CSMD1: variants seen among roughly 807,000 people sequenced by gnomAD.
The protein encoded by CSMD1 is CUB and sushi domain-containing protein 1.
Under a neutral mutation model 417.5 loss-of-function variants are expected in CSMD1, and 213 were observed. The ratio of observed to expected loss-of-function variants is 0.51; its 90% confidence interval spans 0.46 to 0.57. The LOEUF is 0.57. Among genes scored for constraint, CSMD1 ranks in the 20% least tolerant of loss-of-function variants. CSMD1 has a pLI of 0.00. For missense variants in CSMD1, 6,923 were observed against 4,529.7 expected, an observed-to-expected ratio of 1.53 and a Z score of -15.17; for synonymous variants, 2,862 against 1,736.8, an observed-to-expected ratio of 1.65 and a Z score of -16.11.
chr8:4,725,907 A>AG (rs898990236), intron 1 of CSMD1, among the ~76,000 whole-genome samples: 15 of 152,110 alleles, frequency 9.9e-5, no homozygotes, highest in South Asian at 4.2e-4. Context: ...TTCACATTCC[A>AG]GGGGGGGTTA....
intron 2 of CSMD1, among the ~76,000 whole-genome samples, chr8:4,558,448 A>G (rs1224082328): frequency 6.6e-6 from 1 of 152,172 alleles, no homozygotes; most frequent in Non-Finnish European, 1.5e-5. Flanking sequence ...AATCAGCTTA[A>G]GTGAGGGTTG....
chr8:4,211,352 A>T (rs1407596363), intron 3 of CSMD1, among the ~76,000 whole-genome samples: 1 of 151,906 alleles, frequency 6.6e-6, no homozygotes, highest in Non-Finnish European at 1.5e-5. Flanking sequence ...CATTTCTTTT[A>T]TTCCCTGTTT....
At chr8:3,802,085 G>A (rs1004988067) in intron 5 of CSMD1, among the ~76,000 whole-genome samples, 3 of 152,080 alleles carry the variant, frequency 2.0e-5, no homozygotes, top group Admixed American at 1.3e-4. Context: ...TTAAGGATAT[G>A]TAAATTTTAT....
At chr8:4,158,829 A>G (rs1450074402) in intron 3 of CSMD1, among the ~76,000 whole-genome samples, 1 of 152,214 alleles carries the variant, frequency 6.6e-6, no homozygotes, top group Non-Finnish European at 1.5e-5. Flanking sequence ...TGTAGAATCC[A>G]ATAATAGGAA....
chr8:3,977,814 T>C (rs976055903), intron 5 of CSMD1, among the ~76,000 whole-genome samples: 1 of 152,210 alleles, frequency 6.6e-6, no homozygotes, highest in Non-Finnish European at 1.5e-5. Flanking sequence ...TTTCCTTATA[T>C]GATTCTGTAG....
chr8:3,732,611 C>G (rs982993202), intron 6 of CSMD1, among the ~76,000 whole-genome samples: 19 of 152,178 alleles, frequency 1.2e-4, no homozygotes, highest in African/African-American at 4.6e-4. Context: ...TTTCAGCAAC[C>G]CTTGCCTTTA....
At chr8:4,382,778 A>T (rs1429410678) in intron 3 of CSMD1, among the ~76,000 whole-genome samples, 1 of 152,246 alleles carries the variant, frequency 6.6e-6, no homozygotes, top group South Asian at 2.1e-4. Context: ...AACACAAAAT[A>T]ATAATGATGG....
At chr8:3,400,101 G>C (rs1190036401) in intron 15 of CSMD1, among the ~76,000 whole-genome samples, 1 of 152,170 alleles carries the variant, frequency 6.6e-6, no homozygotes, top group African/African-American at 2.4e-5. Flanking sequence ...GCAAGGTTTT[G>C]TGACAGTGAT....
chr8:4,753,742 A>C (rs1563297686), intron 1 of CSMD1, among the ~76,000 whole-genome samples: 1 of 152,188 alleles, frequency 6.6e-6, no homozygotes, highest in Non-Finnish European at 1.5e-5. Flanking sequence ...GCTCAAGTAT[A>C]AACAGTTTAC....
At chr8:3,491,441 T>C (rs1242159284) in intron 11 of CSMD1, among the ~76,000 whole-genome samples, 1 of 152,206 alleles carries the variant, frequency 6.6e-6, no homozygotes, top group South Asian at 2.1e-4. Context: ...AAAAGATACA[T>C]AAAAGTTAGC....
At chr8:4,824,599 A>C (rs1010469224) in intron 1 of CSMD1, among the ~76,000 whole-genome samples, 1 of 152,170 alleles carries the variant, frequency 6.6e-6, no homozygotes, top group Non-Finnish European at 1.5e-5. Flanking sequence ...ATTTCAAAGG[A>C]ATTAGTTGAT....
intron 3 of CSMD1, among the ~76,000 whole-genome samples, chr8:4,323,247 C>G (rs1182466979): frequency 6.6e-6 from 1 of 152,166 alleles, no homozygotes; most frequent in East Asian, 1.9e-4. Flanking sequence ...TATGTATAAG[C>G]AATTTTGCTT....
intron 2 of CSMD1, among the ~76,000 whole-genome samples, chr8:4,581,177 G>C (rs1799399885): frequency 1.3e-5 from 2 of 152,116 alleles, no homozygotes; most frequent in Admixed American, 6.5e-5. Context: ...TTCTATTTTA[G>C]AATTTAGTTG....
intron 2 of CSMD1, among the ~76,000 whole-genome samples, chr8:4,450,063 C>G (rs182956994): frequency 6.6e-6 from 1 of 152,172 alleles, no homozygotes; most frequent in Non-Finnish European, 1.5e-5. Flanking sequence ...TCTCCCGGAC[C>G]AAGGACTTCC....
At chr8:4,767,159 T>A (rs980192989) in intron 1 of CSMD1, among the ~76,000 whole-genome samples, 1 of 152,172 alleles carries the variant, frequency 6.6e-6, no homozygotes, top group African/African-American at 2.4e-5. Flanking sequence ...AGTTTGGACA[T>A]ACCATGTTAA....
chr8:2,960,976 ATTTTGACAG>A (rs1803424891), intron 62 of CSMD1, among the ~76,000 whole-genome samples, 156 bp downstream of exon 62: 6 of 146,900 alleles, frequency 4.1e-5, no homozygotes, highest in African/African-American at 1.5e-4. Context: ...ACATATATTG[ATTTTGACAG>A]TTAAAAACAC....
chr8:4,232,777 C>A (rs572636147), intron 3 of CSMD1, among the ~76,000 whole-genome samples: 2 of 152,218 alleles, frequency 1.3e-5, no homozygotes, highest in East Asian at 1.9e-4. Flanking sequence ...CCCTAATTGA[C>A]GTTTGGAAAT....
chr8:3,891,239 G>C lies in CSMD1; in HGVS notation c.818+106664C>G, dbSNP rs536870340. The stretch of plus-strand genomic sequence containing the variant: ...ATTTGTATTTTTCTTTGTAAAGATG[G>C]GTTTTTGCCATGTTTCCCAGGCTAG... On this transcript the variant is annotated intron_variant, in intron 5 of 69. Transcript: ENST00000635120. 2.6e-5 allele frequency among the ~76,000 whole-genome samples: 4 copies of C among 152,008 alleles called. No individual in the cohort carries two copies. The South Asian group carries it at 6.2e-4, about 24-fold the overall frequency.
intron 3 of CSMD1, among the ~76,000 whole-genome samples, chr8:4,125,675 T>C (rs1171541225): frequency 2.6e-5 from 4 of 152,190 alleles, no homozygotes; most frequent in Non-Finnish European, 4.4e-5. Context: ...CTTTAAGTTG[T>C]CCTTGTTCAT....
Sources: allele counts gnomAD v4.1 joint callset (sites outside exome capture counted in the v4.1 genomes callset), GRCh38; gene constraint gnomAD v4.1.1; transcripts MANE v1.5; gene names NCBI Gene and HGNC (gene_info 2026-07-23, HGNC 2026-07-21).